The following WDR27 variants were observed in gnomAD, a reference collection of about 807,000 sequenced individuals.
WDR27 encodes WD repeat domain 27.
WDR27 carries 100 observed loss-of-function variants against 114.4 expected under a neutral mutation model. That is an observed-to-expected ratio of 0.87 (90% CI 0.74 to 1.03). The LOEUF (loss-of-function observed/expected upper bound fraction) is 1.03, where lower values mean the gene tolerates loss of function less well. Ranked by LOEUF, WDR27 falls within the 50% of genes least tolerant of loss-of-function variation. The pLI, the probability that WDR27 is intolerant of heterozygous loss-of-function variation, is 0.00. For synonymous variants in WDR27, 449 were observed against 423.1 expected, an observed-to-expected ratio of 1.06 and a Z score of -0.75; for missense variants, 1,129 against 1,092.9, an observed-to-expected ratio of 1.03 and a Z score of -0.47.
chr6:169,456,780 C>T (rs1784363485), downstream of WDR27, among the ~76,000 whole-genome samples: 1 of 151,556 alleles, frequency 6.6e-6, no homozygotes. The surrounding 1 kb of genome is among the most constrained non-coding windows in gnomAD (Gnocchi z 4.0). Context: ...GGGCAGAGAC[C>T]ACGGTCACCA....
At chr6:169,438,970 A>T in the WDR27 span, among the ~76,000 whole-genome samples, 1 of 152,184 alleles carries the variant, frequency 6.6e-6, no homozygotes, top group African/African-American at 2.4e-5. Context: ...TCTCACAATG[A>T]CATCTGATTA....
intron 25 of WDR27, among the ~76,000 whole-genome samples, chr6:169,517,039 G>C (rs749727893): frequency 5.3e-5 from 8 of 152,130 alleles, no homozygotes; most frequent in Non-Finnish European, 8.8e-5. Flanking sequence ...ATGTTGAAAT[G>C]TAATCTCCAA....
chr6:169,700,217 G>A (rs1450145022), intron 1 of WDR27, among the ~76,000 whole-genome samples: 2 of 152,192 alleles, frequency 1.3e-5, no homozygotes, highest in African/African-American at 2.4e-5. Context: ...ATAGGGCTCT[G>A]GACCACGAGG....
At chr6:169,464,071 C>A (rs1170965790) in intron 25 of WDR27, among the ~76,000 whole-genome samples, 1 of 152,106 alleles carries the variant, frequency 6.6e-6, no homozygotes, top group African/African-American at 2.4e-5. Context: ...ATAGTAAAAA[C>A]AATCTTGAAA....
chr6:169,530,595 G>A (rs1795465987), intron 25 of WDR27, among the ~76,000 whole-genome samples: 1 of 152,198 alleles, frequency 6.6e-6, no homozygotes, highest in African/African-American at 2.4e-5. Flanking sequence ...TGATTCTGTG[G>A]TTTCACTGGC....
chr6:169,683,064 T>A (rs1304683378), intron 2 of WDR27, among the ~76,000 whole-genome samples: 1 of 152,092 alleles, frequency 6.6e-6, no homozygotes, highest in Non-Finnish European at 1.5e-5. Context: ...TTATGGGAGC[T>A]ATGAGACAAC....
chr6:169,547,015 T>A (rs577669289), intron 25 of WDR27, among the ~76,000 whole-genome samples: 3 of 152,216 alleles, frequency 2.0e-5, no homozygotes, highest in African/African-American at 7.2e-5. Context: ...ACAGATCTTA[T>A]AATATAAAAA....
intron 24 of WDR27, among the ~76,000 whole-genome samples, chr6:169,581,016 T>C (rs894253599): frequency 2.0e-5 from 3 of 149,652 alleles, no homozygotes; most frequent in African/African-American, 7.3e-5. Flanking sequence ...GTGTGATGTA[T>C]ACGTATACAT....
At chr6:169,544,337 A>T (rs1258865653) in intron 25 of WDR27, among the ~76,000 whole-genome samples, 2 of 151,392 alleles carry the variant, frequency 1.3e-5, no homozygotes, top group Non-Finnish European at 2.9e-5. Flanking sequence ...CAAGAAATTT[A>T]TTAAAAAAAA....
chr6:169,486,834 A>C (rs888057053), intron 25 of WDR27, among the ~76,000 whole-genome samples: 1 of 152,228 alleles, frequency 6.6e-6, no homozygotes, highest in African/African-American at 2.4e-5. Context: ...ATGTTTTCAC[A>C]GGCACTGAGA....
In WDR27 at chr6:169,572,543, C is replaced by CAAAAAAAAA. The variant is rs376783967; in HGVS notation, c.2524-12_2524-4dup. ...TGGGCGACAGAGCGAGACTCCATCT[C>CAAAAAAAAA]AAAAAAAAAAAAAAAAAAAAAAAAA... On this transcript the variant is annotated splice_polypyrimidine_tract_variant and splice_region_variant and intron_variant, in intron 24 of 25. Coordinates refer to ENST00000448612, the MANE Select transcript of WDR27 (RefSeq NM_182552.5). 2.5e-3 allele frequency: 227 copies of CAAAAAAAAA among 92,420 alleles called. 5 individuals carry two copies. Among genetic ancestry groups the CAAAAAAAAA allele is most frequent in the African/African-American group, 0.013 (218 of 17,310 alleles). The allele number at this position is 92,420 out of a possible 1,614,324, so 5.7% of individuals were successfully genotyped here. A position where few individuals can be genotyped will look rare whatever the true frequency, so the allele number is the denominator to read the frequency against.
intron 25 of WDR27, among the ~76,000 whole-genome samples, chr6:169,564,836 T>C (rs1172542678): frequency 6.9e-6 from 1 of 145,728 alleles, no homozygotes; most frequent in Non-Finnish European, 1.5e-5. Context: ...TAGCCCTTGA[T>C]GTGCCTCAGG....
intron 8 of WDR27, among the ~76,000 whole-genome samples, chr6:169,663,127 C>G (rs563917628): frequency 3.9e-5 from 6 of 152,280 alleles, no homozygotes; most frequent in African/African-American, 1.4e-4. Context: ...TACCTGGGAG[C>G]AATGCAACTT....
chr6:169,442,610 G>T, the WDR27 span, among the ~76,000 whole-genome samples: 1,389 of 152,266 alleles, frequency 9.1e-3, 26 homozygotes, highest in African/African-American at 0.032. Context: ...TCCCCTTCAA[G>T]AATTTGTCTT....
intron 24 of WDR27, among the ~76,000 whole-genome samples, chr6:169,580,375 G>T (rs1803168635): frequency 6.6e-6 from 1 of 152,188 alleles, no homozygotes; most frequent in Non-Finnish European, 1.5e-5. Context: ...AGCCTTCAAA[G>T]GTTGCTGTCT....
intron 1 of WDR27, among the ~76,000 whole-genome samples, chr6:169,699,896 C>T (rs974857574): frequency 6.6e-6 from 1 of 151,968 alleles, no homozygotes; most frequent in Non-Finnish European, 1.5e-5. Flanking sequence ...GTGGGAGGAT[C>T]GTTTGAGCCA....
chr6:169,688,266 C>CA (rs962411934), intron 2 of WDR27, among the ~76,000 whole-genome samples: 1 of 152,018 alleles, frequency 6.6e-6, no homozygotes, highest in Non-Finnish European at 1.5e-5. Flanking sequence ...GAAACCAGCA[C>CA]AAAAAAGTAC....
intron 9 of WDR27, among the ~76,000 whole-genome samples, chr6:169,661,325 G>A (rs1218806351): frequency 2.6e-5 from 4 of 152,218 alleles, no homozygotes; most frequent in Admixed American, 6.5e-5. Context: ...CTGTGAATAA[G>A]GAACCAACTC....
chr6:169,470,808 G>A (rs1689068845), intron 25 of WDR27, among the ~76,000 whole-genome samples: 1 of 152,092 alleles, frequency 6.6e-6, no homozygotes, highest in African/African-American at 2.4e-5. Flanking sequence ...AAAATTTTGG[G>A]GTAAAGGAGC....
Sources: gnomAD v4.1 joint callset for allele counts (sites outside exome capture counted in the v4.1 genomes callset) on GRCh38, gnomAD v4.1.1 for gene constraint, Gnocchi (gnomAD v3.1) non-coding constraint, MANE v1.5 for transcripts, NCBI Gene and HGNC (gene_info 2026-07-23, HGNC 2026-07-21) for gene names.